Variants in SUCLG2 observed in about 807,000 individuals in gnomAD.
SUCLG2 encodes succinate--CoA ligase [GDP-forming] subunit beta, mitochondrial.
Under a neutral mutation model 47.9 loss-of-function variants are expected in SUCLG2, and 42 were observed. That is an observed-to-expected ratio of 0.88 (90% CI 0.69 to 1.14). The LOEUF (loss-of-function observed/expected upper bound fraction) is 1.14, where lower values mean the gene tolerates loss of function less well. Ranked by LOEUF, SUCLG2 falls within the 50% of genes most tolerant of loss-of-function variation. SUCLG2 has a pLI of 0.00. For synonymous variants in SUCLG2, 195 were observed against 197.3 expected, an observed-to-expected ratio of 0.99 and a Z score of 0.10; for missense variants, 571 against 525.9, an observed-to-expected ratio of 1.09 and a Z score of -0.84.
At chr3:67,649,095 C>G (rs1179899940) in intron 1 of SUCLG2, among the ~76,000 whole-genome samples, 1 of 152,090 alleles carries the variant, frequency 6.6e-6, no homozygotes, top group Non-Finnish European at 1.5e-5. Context: ...TAGGAAAAAG[C>G]CTATCTGAAG....
chr3:67,495,662 A>T, intron 9 of SUCLG2, 136 bp downstream of exon 9: 1 of 1,117,516 alleles, frequency 8.9e-7, no homozygotes, highest in Non-Finnish European at 1.2e-6. Context: ...AAAAAAAAAA[A>T]AAAAAGATAG....
intron 1 of SUCLG2, among the ~76,000 whole-genome samples, chr3:67,639,582 A>G (rs1480447713): frequency 6.6e-6 from 1 of 152,038 alleles, no homozygotes; most frequent in African/African-American, 2.4e-5. Context: ...ACATGCCCTT[A>G]AAGAACCTTG....
intron 9 of SUCLG2, among the ~76,000 whole-genome samples, chr3:67,484,724 A>G (rs72923153): frequency 0.026 from 3,884 of 152,290 alleles, 160 homozygotes; most frequent in African/African-American, 0.088. Flanking sequence ...TGAGGACTGT[A>G]AATTGTAAAT....
At chr3:67,605,278 T>C (rs571089783) in intron 2 of SUCLG2, among the ~76,000 whole-genome samples, 2 of 152,358 alleles carry the variant, frequency 1.3e-5, no homozygotes, top group African/African-American at 4.8e-5. Flanking sequence ...TCTGTCAATC[T>C]TGTGGTGACA....
In SUCLG2 at chr3:67,443,170, G is replaced by A. The variant is rs576336577; in HGVS notation, c.1063-42319C>T. ...AAAGGAGGATGTGTCTAGGTTATAT[G>A]CATATATTGTATCATGTTATATCAG... On this transcript the variant is annotated intron_variant, in intron 9 of 10. Transcript: ENST00000307227. Among the ~76,000 whole-genome samples, 7 of 152,248 alleles carry A rather than the reference G, an allele frequency of 4.6e-5. No individual in the cohort carries two copies. In the East Asian group the frequency reaches 1.4e-3, roughly 29 times the overall value.
intron 2 of SUCLG2, among the ~76,000 whole-genome samples, chr3:67,556,606 CCTA>C (rs1293782786): frequency 6.6e-6 from 1 of 152,056 alleles, no homozygotes; most frequent in Non-Finnish European, 1.5e-5. Flanking sequence ...CACAAAACAT[CCTA>C]CTGTATCTGC....
intron 9 of SUCLG2, among the ~76,000 whole-genome samples, chr3:67,480,302 T>C (rs1468446599): frequency 1.3e-5 from 2 of 152,188 alleles, no homozygotes; most frequent in Admixed American, 6.5e-5. Flanking sequence ...AGAGCTGTAG[T>C]AGACATTCTC....
At chr3:67,553,522 A>G (rs751659707) in intron 2 of SUCLG2, among the ~76,000 whole-genome samples, 6 of 152,012 alleles carry the variant, frequency 3.9e-5, no homozygotes, top group Non-Finnish European at 8.8e-5. Context: ...GATACACTAA[A>G]CTCCCTTAAG....
intron 9 of SUCLG2, among the ~76,000 whole-genome samples, chr3:67,475,685 T>C (rs1433383720): frequency 6.6e-6 from 1 of 152,064 alleles, no homozygotes; most frequent in Non-Finnish European, 1.5e-5. Flanking sequence ...TTCACCTCGC[T>C]TCCGCTGCCC....
intron 2 of SUCLG2, among the ~76,000 whole-genome samples, chr3:67,583,510 G>A (rs956116151): frequency 6.6e-6 from 1 of 152,192 alleles, no homozygotes; most frequent in Non-Finnish European, 1.5e-5. Flanking sequence ...TGTCGTGGCA[G>A]ATTATTACAA....
chr3:67,527,822 T>C (rs1389516223), intron 4 of SUCLG2, among the ~76,000 whole-genome samples: 4 of 152,174 alleles, frequency 2.6e-5, no homozygotes, highest in Non-Finnish European at 5.9e-5. Flanking sequence ...TATAAGGCTG[T>C]CACAGCAAGC....
Position 67,399,359 on chromosome 3 carries a change from C to T in SUCLG2, c.1183+1372G>A, listed in dbSNP as rs926203007. 2.0e-5 allele frequency among the ~76,000 whole-genome samples: 3 copies of T among 152,202 alleles called. No homozygotes were observed. In the South Asian group the frequency reaches 6.2e-4, roughly 32 times the overall value. On this transcript the variant is annotated intron_variant, in intron 10 of 10. Transcript: ENST00000307227. Reference sequence around the variant, plus strand: ...TATCAAGCTAAACTGCTCACTTTTCCATGAAATGCTGTTTCTTTCTTGGAA... The same window carrying T: ...TATCAAGCTAAACTGCTCACTTTTCTATGAAATGCTGTTTCTTTCTTGGAA...
intron 9 of SUCLG2, among the ~76,000 whole-genome samples, chr3:67,441,266 A>G (rs1703757543): frequency 6.6e-6 from 1 of 151,964 alleles, no homozygotes; most frequent in Admixed American, 6.6e-5. Flanking sequence ...TAGGACAAAT[A>G]CCTAATGTAG....
At chr3:67,474,545 A>G (rs1469072845) in intron 9 of SUCLG2, among the ~76,000 whole-genome samples, 3 of 152,184 alleles carry the variant, frequency 2.0e-5, no homozygotes. Flanking sequence ...TATTTGCTCA[A>G]ATTTAACTTG....
chr3:67,527,900 A>C (rs1045320461), intron 4 of SUCLG2, among the ~76,000 whole-genome samples: 4 of 152,136 alleles, frequency 2.6e-5, no homozygotes, highest in African/African-American at 9.7e-5. Context: ...ACTCACCCTC[A>C]CCCACTTTTT....
chr3:67,423,702 C>T (rs1703229528), intron 9 of SUCLG2, among the ~76,000 whole-genome samples: 1 of 152,170 alleles, frequency 6.6e-6, no homozygotes. Context: ...GAACTTACTT[C>T]TTATTTCCGC....
At chr3:67,378,811 G>C (rs1035854573) in intron 10 of SUCLG2, among the ~76,000 whole-genome samples, 10 of 151,986 alleles carry the variant, frequency 6.6e-5, no homozygotes, top group African/African-American at 2.2e-4. Flanking sequence ...ACTGTGGCAG[G>C]TGTTAGATAG....
intron 1 of SUCLG2, among the ~76,000 whole-genome samples, chr3:67,629,235 C>A (rs185350691): frequency 1.2e-4 from 19 of 152,288 alleles, no homozygotes; most frequent in African/African-American, 4.3e-4. Flanking sequence ...TCCAAAAATT[C>A]CATTCAATTC....
intron 2 of SUCLG2, among the ~76,000 whole-genome samples, chr3:67,532,322 A>G (rs1470763712): frequency 6.6e-6 from 1 of 152,148 alleles, no homozygotes; most frequent in Non-Finnish European, 1.5e-5. Flanking sequence ...TTTTTAGCAG[A>G]GATGAGGTTT....
Sources: gnomAD v4.1 joint callset for allele counts (sites outside exome capture counted in the v4.1 genomes callset) on GRCh38, gnomAD v4.1.1 for gene constraint, MANE v1.5 for transcripts, NCBI Gene and HGNC (gene_info 2026-07-23, HGNC 2026-07-21) for gene names.